HHIP: variants seen among roughly 807,000 people sequenced by gnomAD.
HHIP encodes the protein hedgehog-interacting protein.
In HHIP, 12 loss-of-function variants were observed where a neutral mutation model predicts 74.0. The observed-to-expected ratio is 0.16, with a 90% CI of 0.10 to 0.26. HHIP has a LOEUF of 0.26. Among genes scored for constraint, HHIP ranks in the 10% least tolerant of loss-of-function variants. The probability of loss-of-function intolerance (pLI) is 1.00; values close to 1 mark genes in which losing one functional copy is unlikely to be tolerated. For synonymous variants in HHIP, 309 were observed against 311.6 expected (o/e 0.99, Z 0.09); for missense variants, 788 against 845.0 (o/e 0.93, Z 0.84).
At chr4:144,690,128 T>G (rs1311994081) in intron 4 of HHIP, among the ~76,000 whole-genome samples, 1 of 152,152 alleles carries the variant, frequency 6.6e-6, no homozygotes, top group Non-Finnish European at 1.5e-5. Flanking sequence ...ATTGGTATGT[T>G]TTGAAAGAGA....
chr4:144,700,803 A>T (rs909958241), intron 4 of HHIP, among the ~76,000 whole-genome samples: 1 of 152,228 alleles, frequency 6.6e-6, no homozygotes, highest in Non-Finnish European at 1.5e-5. Context: ...ACAAATTAAG[A>T]TAAAAAATTT....
Position 144,666,161 on chromosome 4 carries a change from T to C in HHIP, c.831+6323T>C, listed in dbSNP as rs183347217. Among the ~76,000 whole-genome samples, 57 of 152,024 alleles carry C rather than the reference T, an allele frequency of 3.7e-4. No homozygotes were observed. In the East Asian group the frequency reaches 5.2e-3, roughly 14 times the overall value. ...TGTATTACCTCATAAAAAGAAAATA[T>C]CAAACATCACAAAACTATCTCTAAA... On this transcript the variant is annotated intron_variant, in intron 4 of 12. Coordinates refer to ENST00000296575, the MANE Select transcript of HHIP (RefSeq NM_022475.3).
intron 10 of HHIP, among the ~76,000 whole-genome samples, chr4:144,716,518 T>C (rs1374973977): frequency 1.3e-5 from 2 of 152,020 alleles, no homozygotes; most frequent in African/African-American, 4.8e-5. Flanking sequence ...CTCTGTAATA[T>C]AATTTTAATT....
chr4:144,657,803 A>T (rs1385867014), intron 2 of HHIP, among the ~76,000 whole-genome samples: 1 of 152,170 alleles, frequency 6.6e-6, no homozygotes, highest in Non-Finnish European at 1.5e-5. Flanking sequence ...CGATTGAAGG[A>T]ATATTTTAAA....
At chr4:144,714,476 A>G (rs1347975556) in intron 9 of HHIP, 128 bp downstream of exon 9, 10 of 874,910 alleles carry the variant, frequency 1.1e-5, no homozygotes, top group Admixed American at 2.4e-5. Context: ...ACACATAAAT[A>G]TTATTTACTT....
intron 4 of HHIP, among the ~76,000 whole-genome samples, chr4:144,687,133 G>A (rs1208465944): frequency 1.3e-5 from 2 of 152,052 alleles, no homozygotes; most frequent in African/African-American, 4.8e-5. Context: ...GCTTCATAAT[G>A]TCACAAATAA....
In HHIP at chr4:144,714,267, G is replaced by A. The variant is rs750542071; in HGVS notation, c.1466G>A (p.Gly489Asp). 2 of 1,613,260 alleles carry A rather than the reference G, an allele frequency of 1.2e-6. No individual in the cohort carries two copies. The highest frequency in any genetic ancestry group is 2.2e-5 in the South Asian group (2 of 91,056). Reference protein sequence around the residue: ...SLLEFKPFSNGPLVGGFVYRG... With the variant: ...SLLEFKPFSNDPLVGGFVYRG... The stretch of plus-strand genomic sequence containing the variant: ...TTAGAATTCAAGCCATTCAGTAATG[G>A]TCCTTTGGTTGGTGGATTTGTATAC... The change falls in exon 9 of 13, where the codon GGT (glycine) becomes GAT (aspartate). Residue 489 changes from glycine (G) to aspartate (D), a missense_variant. This residue lies in a region of HHIP where 343 missense variants were observed against 347.9 expected (regional missense o/e 0.99). Transcript: ENST00000296575.
chr4:144,685,270 A>G (rs1040265096), intron 4 of HHIP, among the ~76,000 whole-genome samples: 15 of 152,224 alleles, frequency 9.9e-5, no homozygotes, highest in Non-Finnish European at 1.2e-4. Flanking sequence ...TTGTCACCAA[A>G]TTGAGACAAT....
At chr4:144,649,952 C>T (rs1044803450) in intron 1 of HHIP, among the ~76,000 whole-genome samples, 2 of 152,144 alleles carry the variant, frequency 1.3e-5, no homozygotes, top group African/African-American at 4.8e-5. Flanking sequence ...TTCAGAGACA[C>T]ATGTGTTCTA....
chr4:144,697,728 A>G (rs1560710451), intron 4 of HHIP, among the ~76,000 whole-genome samples: 1 of 152,116 alleles, frequency 6.6e-6, no homozygotes, highest in African/African-American at 2.4e-5. Flanking sequence ...TATATACATA[A>G]CATTGTGACT....
chr4:144,719,506 T>C (rs930802991), intron 11 of HHIP, among the ~76,000 whole-genome samples: 5 of 152,168 alleles, frequency 3.3e-5, no homozygotes, highest in African/African-American at 1.2e-4. Flanking sequence ...AAAAGAAAGA[T>C]TTGAATGTTT....
chr4:144,654,000 T>C (rs1472612807), intron 2 of HHIP, among the ~76,000 whole-genome samples: 2 of 152,278 alleles, frequency 1.3e-5, no homozygotes, highest in Non-Finnish European at 2.9e-5. Context: ...AAAGAAGTGA[T>C]AACAGATTAG....
chr4:144,653,390 C>A (rs945028221), intron 2 of HHIP, among the ~76,000 whole-genome samples: 3 of 152,078 alleles, frequency 2.0e-5, no homozygotes, highest in Non-Finnish European at 2.9e-5. Context: ...ACACCTTAAT[C>A]AAAGTTATAC....
At chr4:144,649,523 A>G (rs939461418) in intron 1 of HHIP, among the ~76,000 whole-genome samples, 1 of 152,202 alleles carries the variant, frequency 6.6e-6, no homozygotes, top group Non-Finnish European at 1.5e-5. Flanking sequence ...ATGACAAATA[A>G]GTACTGTCAA....
chr4:144,683,170 TA>T (rs568358453), intron 4 of HHIP, among the ~76,000 whole-genome samples: 255 of 152,344 alleles, frequency 1.7e-3, no homozygotes, highest in African/African-American at 6.0e-3. Flanking sequence ...AGATTGTTGA[TA>T]TGTAATTAAT....
intron 11 of HHIP, among the ~76,000 whole-genome samples, chr4:144,729,154 G>A (rs377419832): frequency 4.5e-4 from 69 of 152,260 alleles, no homozygotes; most frequent in African/African-American, 1.6e-3. Flanking sequence ...TATTCGTAAA[G>A]CTCCACAGAT....
chr4:144,647,021 T>C, intron 1 of HHIP, 67 bp downstream of exon 1: 6 of 1,426,976 alleles, frequency 4.2e-6, no homozygotes, highest in African/African-American at 1.4e-5. Flanking sequence ...CCTGTGGCTC[T>C]GGCAAAGCCG....
chr4:144,666,010 A>G (rs1046715261), intron 4 of HHIP, among the ~76,000 whole-genome samples: 2 of 152,226 alleles, frequency 1.3e-5, no homozygotes, highest in Non-Finnish European at 2.9e-5. Context: ...GGACCCTAGA[A>G]AACGTCTGCC....
chr4:144,655,927 A>G (rs921319085), intron 2 of HHIP, among the ~76,000 whole-genome samples: 2 of 152,170 alleles, frequency 1.3e-5, no homozygotes, highest in Admixed American at 1.3e-4. Flanking sequence ...ATGATCCAGC[A>G]GAATATTTAC....
Sources: allele counts gnomAD v4.1 joint callset (sites outside exome capture counted in the v4.1 genomes callset), GRCh38; gene constraint gnomAD v4.1.1; regional missense constraint gnomAD v4.1.1; transcripts MANE v1.5; gene names NCBI Gene and HGNC (gene_info 2026-07-23, HGNC 2026-07-21).